The following C1orf105 variants were observed in gnomAD, a reference collection of about 807,000 sequenced individuals.
The protein encoded by C1orf105 is chromosome 1 open reading frame 105.
A neutral mutation model predicts 20.8 loss-of-function variants in C1orf105; 17 were observed. The observed-to-expected ratio is 0.82, with a 90% CI of 0.56 to 1.23. The LOEUF (loss-of-function observed/expected upper bound fraction) is 1.23, where lower values mean the gene tolerates loss of function less well. Among genes scored for constraint, C1orf105 ranks in the 50% most tolerant of loss-of-function variants. C1orf105 has a pLI of 0.00. For missense variants in C1orf105, 219 were observed against 213.5 expected (o/e 1.03, Z -0.16); for synonymous variants, 72 against 72.1 (o/e 1.00, Z 0.01).
chr1:172,458,277 A>G (rs886108261), intron 4 of C1orf105, among the ~76,000 whole-genome samples: 1 of 152,240 alleles, frequency 6.6e-6, no homozygotes, highest in African/African-American at 2.4e-5. Context: ...AAAGAAGTAC[A>G]ACTAGTCTAT....
chr1:172,454,881 T>A (rs1036718359), intron 3 of C1orf105, among the ~76,000 whole-genome samples: 1 of 152,160 alleles, frequency 6.6e-6, no homozygotes, highest in Non-Finnish European at 1.5e-5. Flanking sequence ...ACAAACTATG[T>A]CTTATTTATT....
At chr1:172,442,682 T>C in intron 1 of C1orf105, 1 of 1,436,164 alleles carries the variant, frequency 7.0e-7, no homozygotes, top group Non-Finnish European at 9.6e-7. Flanking sequence ...TCCAGGTGGT[T>C]CTTGTTCTTT....
At chr1:172,432,816 T>C (rs1279087217) in intron 1 of C1orf105, among the ~76,000 whole-genome samples, 1 of 152,046 alleles carries the variant, frequency 6.6e-6, no homozygotes, top group Admixed American at 6.6e-5. Context: ...TAACAAACTT[T>C]TCTGAGCTAA....
chr1:172,464,644 GTTTT>G (rs35644684), intron 5 of C1orf105, among the ~76,000 whole-genome samples: 1 of 146,818 alleles, frequency 6.8e-6, no homozygotes, highest in East Asian at 2.0e-4. Flanking sequence ...GAAGAGTTCT[GTTTT>G]TTTTTTTTTT....
At chr1:172,467,466 G>A (rs1650142887) in intron 6 of C1orf105, among the ~76,000 whole-genome samples, 1 of 152,172 alleles carries the variant, frequency 6.6e-6, no homozygotes, top group Admixed American at 6.5e-5. Context: ...AGAATCCCAT[G>A]ACACCCACGG....
At chr1:172,441,549 A>G (rs986362099) in intron 1 of C1orf105, 2 of 485,234 alleles carry the variant, frequency 4.1e-6, no homozygotes, top group Non-Finnish European at 7.1e-6. Context: ...CATCTACAAA[A>G]TAACAGAAAG....
rs377584255 is a variant in C1orf105, at chr1:172,423,004, A to T, written c.21+2098A>T. On this transcript the variant is annotated intron_variant, in intron 1 of 6. Coordinates refer to ENST00000367727, the MANE Select transcript of C1orf105 (RefSeq NM_139240.4). ...GTAGATTTCTAAAGTTTCCAACTCCAGGCCCTGACTCCCAGACAGCGTCTC... is the reference window on the plus strand; with the variant it reads ...GTAGATTTCTAAAGTTTCCAACTCCTGGCCCTGACTCCCAGACAGCGTCTC... 2.8e-3 allele frequency among the ~76,000 whole-genome samples: 429 copies of T among 152,326 alleles called. 1 individual carries two copies. The highest frequency in any genetic ancestry group is 9.7e-3 in the African/African-American group (402 of 41,578).
At chr1:172,446,402 T>C (rs1252024045) in intron 2 of C1orf105, among the ~76,000 whole-genome samples, 1 of 152,142 alleles carries the variant, frequency 6.6e-6, no homozygotes, top group African/African-American at 2.4e-5. Flanking sequence ...TGAGTAAAGC[T>C]GGCCAAACAG....
intron 5 of C1orf105, among the ~76,000 whole-genome samples, chr1:172,463,787 A>T (rs1002924102): frequency 1.3e-4 from 20 of 152,212 alleles, no homozygotes; most frequent in African/African-American, 2.4e-5. Context: ...TTATCCCTTT[A>T]AAAGTAAGAC....
intron 3 of C1orf105, among the ~76,000 whole-genome samples, chr1:172,450,796 C>T (rs1043089893): frequency 6.6e-6 from 1 of 152,188 alleles, no homozygotes; most frequent in African/African-American, 2.4e-5. Context: ...AAAGGGGAGA[C>T]AGGCTCAGAG....
At chr1:172,425,630 T>C (rs1379685562) in intron 1 of C1orf105, among the ~76,000 whole-genome samples, 1 of 152,112 alleles carries the variant, frequency 6.6e-6, no homozygotes. Flanking sequence ...TAAGCTCTGA[T>C]CACTTTGCCC....
intron 3 of C1orf105, 134 bp downstream of exon 3, chr1:172,448,665 G>T (rs1327381225): frequency 3.4e-6 from 2 of 590,040 alleles, no homozygotes; most frequent in Non-Finnish European, 3.0e-6. Context: ...TTTGTTAAAT[G>T]AAATGAATGG....
At chr1:172,443,674 A>G (rs543886820) in intron 1 of C1orf105, 7 of 167,238 alleles carry the variant, frequency 4.2e-5, no homozygotes, top group Admixed American at 1.3e-4. Context: ...ACCACAACAA[A>G]TATTGCTTGG....
At chr1:172,444,420 T>A (rs1228418080) in intron 1 of C1orf105, 2 of 489,950 alleles carry the variant, frequency 4.1e-6, no homozygotes, top group East Asian at 1.5e-4. Context: ...CCACAGATAC[T>A]GATTGAATGC....
At chr1:172,451,864 ATTCTTT>A (rs1648679521) in intron 3 of C1orf105, among the ~76,000 whole-genome samples, 3 of 60,578 alleles carry the variant, frequency 5.0e-5, no homozygotes, top group Non-Finnish European at 9.6e-5. Flanking sequence ...CTTTATATGG[ATTCTTT>A]TTTTTTTTTT....
At chr1:172,431,755 C>G (rs375489471) in intron 1 of C1orf105, among the ~76,000 whole-genome samples, 1 of 152,200 alleles carries the variant, frequency 6.6e-6, no homozygotes, top group Non-Finnish European at 1.5e-5. Flanking sequence ...TGAGTACAGT[C>G]GATGGAGGGT....
intron 3 of C1orf105, chr1:172,452,654 G>A (rs1259248737): frequency 2.3e-6 from 1 of 426,718 alleles, no homozygotes; most frequent in Non-Finnish European, 3.1e-6. Context: ...AGACACCGCA[G>A]CAGATATTGT....
At chr1:172,423,265 T>G (rs1181700978) in intron 1 of C1orf105, among the ~76,000 whole-genome samples, 2 of 152,028 alleles carry the variant, frequency 1.3e-5, no homozygotes, top group African/African-American at 2.4e-5. Context: ...CTCCCTTAGC[T>G]CCAGTCAACT....
intron 1 of C1orf105, among the ~76,000 whole-genome samples, chr1:172,426,897 A>G (rs2149158300): frequency 6.6e-6 from 1 of 152,278 alleles, no homozygotes; most frequent in Non-Finnish European, 1.5e-5. Context: ...TAAAACCACC[A>G]TTCTGGGTAA....
Sources: gnomAD v4.1 joint callset for allele counts (sites outside exome capture counted in the v4.1 genomes callset) on GRCh38, gnomAD v4.1.1 for gene constraint, MANE v1.5 for transcripts, NCBI Gene and HGNC (gene_info 2026-07-23, HGNC 2026-07-21) for gene names.